The following TRAK1 variants were observed in gnomAD, a reference collection of about 807,000 sequenced individuals.
The protein encoded by TRAK1 is trafficking kinesin-binding protein 1.
Under a neutral mutation model 92.1 loss-of-function variants are expected in TRAK1, and 33 were observed. That is an observed-to-expected ratio of 0.36 (90% CI 0.27 to 0.48). The LOEUF (loss-of-function observed/expected upper bound fraction) is 0.48. Among genes scored for constraint, TRAK1 ranks in the 20% least tolerant of loss-of-function variants. TRAK1 has a pLI of 0.99. For synonymous variants in TRAK1, 521 were observed against 517.3 expected (o/e 1.01, Z -0.10); for missense variants, 1,123 against 1,257.9 (o/e 0.89, Z 1.62).
chr3:42,219,758 C>T (rs1710131224), intron 15 of TRAK1, among the ~76,000 whole-genome samples, 162 bp downstream of exon 15: 1 of 149,188 alleles, frequency 6.7e-6, no homozygotes. Flanking sequence ...TGTTCTGGGT[C>T]CCATCCTTCC....
At chr3:42,143,295 A>T (rs1576592346) in intron 2 of TRAK1, among the ~76,000 whole-genome samples, 1 of 143,446 alleles carries the variant, frequency 7.0e-6, no homozygotes, top group Admixed American at 7.0e-5. Context: ...TATCTTCTTT[A>T]ATTGTACCTC....
chr3:42,184,867 T>C (rs1248614122), intron 4 of TRAK1, 66 bp downstream of exon 4: 19 of 1,463,984 alleles, frequency 1.3e-5, no homozygotes, highest in Non-Finnish European at 1.8e-5. Context: ...GAGGCATGGC[T>C]GAAGGAGATG....
At chr3:42,144,684 T>A (rs1559828795) in intron 2 of TRAK1, among the ~76,000 whole-genome samples, 1 of 108,872 alleles carries the variant, frequency 9.2e-6, no homozygotes, top group African/African-American at 2.9e-5. Context: ...TCCTTGTATA[T>A]TTTTTTTTAA....
At chr3:42,213,277 G>A (rs1304534329) in intron 14 of TRAK1, among the ~76,000 whole-genome samples, 3 of 152,042 alleles carry the variant, frequency 2.0e-5, no homozygotes, top group Admixed American at 2.0e-4. Context: ...GGCTGGTCTC[G>A]AATTCCTGGC....
chr3:42,197,114 G>A lies in TRAK1; in HGVS notation c.1114-2063G>A, dbSNP rs182904671. On this transcript the variant is annotated intron_variant, in intron 10 of 15. Transcript: ENST00000327628. ...TGCCTAAAAATATTATTCCAGGAAG[G>A]AGTCCACAGACTTGCCTGGATTGCC... 5.3e-3 allele frequency among the ~76,000 whole-genome samples: 808 copies of A among 151,866 alleles called. 14 individuals are homozygous for A. The highest frequency in any genetic ancestry group is 0.019 in the African/African-American group (771 of 41,350).
intron 1 of TRAK1, among the ~76,000 whole-genome samples, chr3:42,104,446 G>C (rs1707238975): frequency 6.6e-6 from 1 of 152,160 alleles, no homozygotes; most frequent in Admixed American, 6.5e-5. Context: ...GCAGCTCCCA[G>C]TAGGGGCCGA....
rs1206440120 is a variant in TRAK1, at chr3:42,110,090, T to TA, written c.92-15327dup. Among the ~76,000 whole-genome samples, 20 of 58,706 alleles carry TA rather than the reference T, an allele frequency of 3.4e-4. No homozygotes were observed. The East Asian group carries it at 5.2e-3, about 15-fold the overall frequency. The allele number at this position is 58,706 out of a possible 152,430, so 38.5% of individuals were successfully genotyped here. A position where few individuals can be genotyped will look rare whatever the true frequency, so the allele number is the denominator to read the frequency against. On this transcript the variant is annotated intron_variant, in intron 1 of 15. Transcript: ENST00000327628. ...CGTTGTGCACATGTACCCTAGAACT[T>TA]AAAGTATATATATATATATATATAT... is the stretch of plus-strand genomic sequence containing the variant.
intron 2 of TRAK1, among the ~76,000 whole-genome samples, chr3:42,143,004 C>T (rs185971730): frequency 4.7e-4 from 72 of 152,214 alleles, no homozygotes; most frequent in Non-Finnish European, 6.8e-4. Flanking sequence ...TTTCCCTGCC[C>T]GAAGACTTGG....
chr3:42,025,388 A>G (rs1410911536), intron 1 of TRAK1, among the ~76,000 whole-genome samples: 2 of 152,186 alleles, frequency 1.3e-5, no homozygotes, highest in African/African-American at 2.4e-5. Flanking sequence ...ATTAATTTTG[A>G]TAAGTTGTGT....
upstream of TRAK1, among the ~76,000 whole-genome samples, chr3:42,084,027 A>G (rs2148954328): frequency 1.3e-5 from 2 of 152,216 alleles, no homozygotes; most frequent in South Asian, 4.1e-4. Flanking sequence ...GATTATATCC[A>G]AGAGTTTATT....
intron 3 of TRAK1, among the ~76,000 whole-genome samples, chr3:42,183,787 T>G (rs1233312821): frequency 6.6e-6 from 1 of 152,200 alleles, no homozygotes; most frequent in East Asian, 1.9e-4. Context: ...TTTTTCTGAC[T>G]TCTCCTCACC....
chr3:42,019,622 T>C (rs541321850), intron 1 of TRAK1, among the ~76,000 whole-genome samples: 1 of 152,262 alleles, frequency 6.6e-6, no homozygotes, highest in African/African-American at 2.4e-5. Flanking sequence ...TTTTTTATGC[T>C]AACATTCTGT....
At chr3:42,027,731 T>C (rs976609973) in intron 1 of TRAK1, among the ~76,000 whole-genome samples, 1 of 152,236 alleles carries the variant, frequency 6.6e-6, no homozygotes, top group African/African-American at 2.4e-5. Context: ...TTAATATGTT[T>C]ATTTCCCTGC....
intron 2 of TRAK1, among the ~76,000 whole-genome samples, chr3:42,127,865 A>G (rs1395825260): frequency 1.3e-5 from 2 of 152,144 alleles, no homozygotes; most frequent in African/African-American, 4.8e-5. Flanking sequence ...ACTGAGCCAC[A>G]GTTTCTAAAA....
chr3:42,138,876 G>GGTGTGTGTGTGTGT (rs60025099), intron 2 of TRAK1, among the ~76,000 whole-genome samples: 3 of 118,774 alleles, frequency 2.5e-5, no homozygotes, highest in South Asian at 2.7e-4. Context: ...AAGCATAGGG[G>GGTGTGTGTGTGTGT]GTGTGTGTGT....
intron 1 of TRAK1, among the ~76,000 whole-genome samples, chr3:42,038,752 C>G (rs990886297): frequency 6.9e-6 from 1 of 144,800 alleles, no homozygotes; most frequent in African/African-American, 2.7e-5. Context: ...TGCGCCATTG[C>G]ACGCCAGCCT....
At chr3:42,132,899 T>A (rs1036113848) in intron 2 of TRAK1, among the ~76,000 whole-genome samples, 3 of 152,168 alleles carry the variant, frequency 2.0e-5, no homozygotes, top group Non-Finnish European at 4.4e-5. Flanking sequence ...TTGTTCCCCC[T>A]CCACACACAT....
upstream of TRAK1, among the ~76,000 whole-genome samples, chr3:42,084,256 A>G (rs1238065878): frequency 6.6e-6 from 1 of 152,118 alleles, no homozygotes; most frequent in Non-Finnish European, 1.5e-5. Flanking sequence ...TAGACTCGGT[A>G]TCTGCATTCA....
rs144165145 is a variant in TRAK1, at chr3:42,181,530, C to T, written c.364-3155C>T. On this transcript the variant is annotated intron_variant, in intron 3 of 15. Coordinates refer to ENST00000327628, the MANE Select transcript of TRAK1 (RefSeq NM_001042646.3). The stretch of plus-strand genomic sequence containing the variant: ...CTGCACTCCAGCCTGGGCGACAGAT[C>T]GAGACTCCATATCAAAAACCAACAA... Among the ~76,000 whole-genome samples, 1,004 of 152,188 alleles carry T rather than the reference C, an allele frequency of 6.6e-3. 7 individuals carry two copies. The highest frequency in any genetic ancestry group is 0.021 in the African/African-American group (878 of 41,496).
Sources: allele counts gnomAD v4.1 joint callset (sites outside exome capture counted in the v4.1 genomes callset), GRCh38; gene constraint gnomAD v4.1.1; transcripts MANE v1.5; gene names NCBI Gene and HGNC (gene_info 2026-07-23, HGNC 2026-07-21).